The following ANO3 variants were observed in gnomAD, a reference collection of about 807,000 sequenced individuals.
ANO3 encodes anoctamin-3.
In ANO3, 99 loss-of-function variants were observed where a neutral mutation model predicts 144.8. That is an observed-to-expected ratio of 0.68 (90% CI 0.58 to 0.81). The LOEUF (loss-of-function observed/expected upper bound fraction) is 0.81. Among genes scored for constraint, ANO3 ranks in the 30% least tolerant of loss-of-function variants. The pLI, the probability that ANO3 is intolerant of heterozygous loss-of-function variation, is 0.00. For synonymous variants in ANO3, 414 were observed against 392.6 expected, an observed-to-expected ratio of 1.05 and a Z score of -0.64; for missense variants, 905 against 1,202.2, an observed-to-expected ratio of 0.75 and a Z score of 3.66.
At chr11:26,652,968 T>C (rs1166281050) in intron 24 of ANO3, among the ~76,000 whole-genome samples, 3 of 152,186 alleles carry the variant, frequency 2.0e-5, no homozygotes, top group African/African-American at 7.2e-5. Flanking sequence ...ATAATTTCTG[T>C]TTTCCTGCTA....
rs1009932012 is a variant in ANO3, at chr11:26,526,267, A to T, written c.737+588A>T. Among the ~76,000 whole-genome samples the T allele has an allele frequency of 2.6e-5, 4 of 152,292 alleles. No homozygotes were observed. In the South Asian group the frequency reaches 8.3e-4, roughly 32 times the overall value. On this transcript the variant is annotated intron_variant, in intron 7 of 26. Coordinates refer to ENST00000256737, the MANE Select transcript of ANO3 (RefSeq NM_031418.4). Reference sequence around the variant, plus strand: ...ATTGTGGTAAGAATAACTATGGAAAAGGAGTCAATCAAACCACTACCCTGA... The same window carrying T: ...ATTGTGGTAAGAATAACTATGGAAATGGAGTCAATCAAACCACTACCCTGA...
intron 24 of ANO3, among the ~76,000 whole-genome samples, chr11:26,655,788 TA>T (rs1368676192): frequency 2.6e-5 from 4 of 152,132 alleles, no homozygotes. Flanking sequence ...AATTGAATAA[TA>T]TTATGTGCAT....
intron 1 of ANO3, among the ~76,000 whole-genome samples, chr11:26,189,747 A>C (rs557239233): frequency 8.5e-5 from 13 of 152,160 alleles, no homozygotes; most frequent in Non-Finnish European, 1.3e-4. Flanking sequence ...TATATAAAGG[A>C]TAATATATTA....
In ANO3 at chr11:26,443,831, G is replaced by A; in HGVS notation, c.308G>A (p.Cys103Tyr). ...RCSFADLSDF[C>Y]LALGKDKDYT... ...TCATTTGCTGACCTCAGCGATTTTT[G>A]TTTGGGTAAGTTGATAATCAGTATT... is the stretch of plus-strand genomic sequence containing the variant. Residue 103 changes from cysteine (C) to tyrosine (Y), a missense_variant, in exon 3 of 27, where the codon TGT (cysteine) becomes TAT (tyrosine). This residue lies in a region of ANO3 where 174 missense variants were observed against 171.9 expected (regional missense o/e 1.01). Coordinates refer to ENST00000256737, the MANE Select transcript of ANO3 (RefSeq NM_031418.4). 3 of 1,609,644 alleles carry A rather than the reference G, an allele frequency of 1.9e-6. No homozygotes were observed. Among genetic ancestry groups the A allele is most frequent in the Non-Finnish European group, 2.5e-6 (3 of 1,177,136 alleles).
chr11:26,477,429 T>A (rs1860025059), intron 4 of ANO3, among the ~76,000 whole-genome samples: 1 of 152,140 alleles, frequency 6.6e-6, no homozygotes, highest in African/African-American at 2.4e-5. Context: ...TCTCCATTCA[T>A]GTTTTTAGGA....
chr11:26,383,934 G>T (rs1368062345), intron 1 of ANO3, among the ~76,000 whole-genome samples: 2 of 103,650 alleles, frequency 1.9e-5, no homozygotes, highest in South Asian at 3.6e-4. Flanking sequence ...ATCTCTCTCT[G>T]TTGCCCAGGC....
chr11:26,529,794 T>C (rs1024537280), intron 7 of ANO3, among the ~76,000 whole-genome samples: 3 of 152,194 alleles, frequency 2.0e-5, no homozygotes, highest in Admixed American at 1.3e-4. Context: ...AGCTTTCTTC[T>C]GTTTCTATTT....
chr11:26,244,737 C>T (rs1236977012), intron 1 of ANO3, among the ~76,000 whole-genome samples: 1 of 152,194 alleles, frequency 6.6e-6, no homozygotes, highest in African/African-American at 2.4e-5. Flanking sequence ...ACTGTTAGTA[C>T]TAGGTACTGC....
intron 11 of ANO3, among the ~76,000 whole-genome samples, chr11:26,544,273 T>TATATATATATATATATATATACACAC: frequency 1.5e-4 from 9 of 58,562 alleles, no homozygotes; most frequent in Admixed American, 4.1e-4. Flanking sequence ...TATATATATA[T>TATATATATATATATATATATACACAC]ACACACATAC....
chr11:26,337,466 G>T (rs191130046), intron 1 of ANO3, among the ~76,000 whole-genome samples: 11 of 152,242 alleles, frequency 7.2e-5, no homozygotes, highest in Non-Finnish European at 1.3e-4. Context: ...ATTCTAGAGA[G>T]CTGAAGTTTT....
At chr11:26,488,151 T>C (rs998965377) in intron 4 of ANO3, among the ~76,000 whole-genome samples, 11 of 151,944 alleles carry the variant, frequency 7.2e-5, no homozygotes, top group African/African-American at 2.4e-4. Context: ...GACAACAGAG[T>C]GAGGCTCCAT....
At chr11:26,223,620 A>AC in intron 1 of ANO3, among the ~76,000 whole-genome samples, 1 of 151,946 alleles carries the variant, frequency 6.6e-6, no homozygotes, top group African/African-American at 2.4e-5. Flanking sequence ...AAAAAAAAAA[A>AC]AACCCTGAGA....
At chr11:26,613,556 C>A (rs1471417286) in intron 17 of ANO3, among the ~76,000 whole-genome samples, 1 of 152,104 alleles carries the variant, frequency 6.6e-6, no homozygotes, top group Admixed American at 6.5e-5. Flanking sequence ...TATTTTCTTG[C>A]TGTTTCACGT....
chr11:26,540,951 T>C (rs1849627183), intron 10 of ANO3, among the ~76,000 whole-genome samples: 1 of 152,110 alleles, frequency 6.6e-6, no homozygotes, highest in Non-Finnish European at 1.5e-5. Flanking sequence ...ACTGGGTATA[T>C]ACCCAAAGGA....
chr11:26,483,910 C>A (rs1590402968), intron 4 of ANO3, among the ~76,000 whole-genome samples: 3 of 152,238 alleles, frequency 2.0e-5, no homozygotes, highest in African/African-American at 7.2e-5. Context: ...GAAGTCTAAG[C>A]TGAGGAGGTC....
rs201712393 is a variant in ANO3 at position 26,595,460 on chromosome 11, G to GTTTTTTTTTTTTTTTTTTTTTTTTTTTTT, written c.1448-2878_1448-2877insTTTTTTTTTTTTTTTTTTTTTTTTTTTTT. 4.9e-5 allele frequency among the ~76,000 whole-genome samples: 5 copies of GTTTTTTTTTTTTTTTTTTTTTTTTTTTTT among 101,384 alleles called. 1 individual carries two copies. The highest frequency in any genetic ancestry group is 8.4e-5 in the African/African-American group (2 of 23,934). 66.5% of individuals were successfully genotyped at this position (101,384 alleles called of 152,430 possible). On this transcript the variant is annotated intron_variant, in intron 14 of 26. Coordinates refer to ENST00000256737, the MANE Select transcript of ANO3 (RefSeq NM_031418.4). ...TTTGACTCAGTATTGAGATAGAGTT[G>GTTTTTTTTTTTTTTTTTTTTTTTTTTTTT]TTTTTTTTTTTTTTTTTTTTTTTTT...
rs113004449 is a variant in ANO3 at position 26,542,006 on chromosome 11, A to G, written c.1092A>G (p.Leu364=). The change falls in exon 11 of 27, where the codon CTA becomes CTG. Residue 364 remains leucine, a synonymous_variant. Transcript: ENST00000256737. The stretch of plus-strand genomic sequence containing the variant: ...ATGGACCTCAGAATAACAGACATCT[A>G]TTATATGAGCGCTGGGCACGCTGGG... ...KTHGPQNNRH[L]LYERWARWGM... 50 of 1,612,908 alleles carry G rather than the reference A, an allele frequency of 3.1e-5. No individual in the cohort carries two copies. The African/African-American group carries it at 4.3e-4, about 14-fold the overall frequency.
intron 14 of ANO3, among the ~76,000 whole-genome samples, chr11:26,581,668 G>A (rs1264363117): frequency 1.2e-4 from 17 of 136,810 alleles, no homozygotes; most frequent in Non-Finnish European, 2.6e-4. Context: ...CACCTTGGGC[G>A]ACACAGCAAG....
intron 3 of ANO3, 96 bp from the exon 4 acceptor site, chr11:26,462,934 A>C (rs1180072704): frequency 3.7e-6 from 2 of 546,388 alleles, no homozygotes; most frequent in Non-Finnish European, 6.2e-6. Flanking sequence ...TATAGGCTAA[A>C]CTCTGGGAAA....
Sources: gnomAD v4.1 joint callset for allele counts (sites outside exome capture counted in the v4.1 genomes callset) on GRCh38, gnomAD v4.1.1 for gene constraint, gnomAD v4.1.1 regional missense constraint, MANE v1.5 for transcripts, NCBI Gene and HGNC (gene_info 2026-07-23, HGNC 2026-07-21) for gene names.